The following CLDN10 variants were observed in gnomAD, a reference collection of about 807,000 sequenced individuals.
CLDN10 encodes claudin-10.
CLDN10 carries 15 observed loss-of-function variants against 22.9 expected under a neutral mutation model. The ratio of observed to expected loss-of-function variants is 0.65; its 90% CI spans 0.44 to 1.01. The LOEUF is 1.01. CLDN10 is among the 50% of genes least tolerant of loss of function. CLDN10 has a pLI of 0.00. For synonymous variants in CLDN10, 114 were observed against 111.4 expected (o/e 1.02, Z -0.15); for missense variants, 247 against 287.8 (o/e 0.86, Z 1.03).
chr13:95,475,555 G>A (rs2042677526), intron 1 of CLDN10, among the ~76,000 whole-genome samples: 1 of 152,202 alleles, frequency 6.6e-6, no homozygotes, highest in Non-Finnish European at 1.5e-5. Context: ...CCCCAAGGGA[G>A]GGAAGTGGCC....
At chr13:95,495,631 C>T (rs1394753671) in intron 1 of CLDN10, among the ~76,000 whole-genome samples, 4 of 150,812 alleles carry the variant, frequency 2.7e-5, no homozygotes, top group Admixed American at 1.3e-4. Flanking sequence ...GTAATCCCAG[C>T]TACTTGGGAG....
At chr13:95,459,371 C>G (rs2042513174) in intron 1 of CLDN10, among the ~76,000 whole-genome samples, 1 of 152,216 alleles carries the variant, frequency 6.6e-6, no homozygotes, top group Non-Finnish European at 1.5e-5. Flanking sequence ...CAGAGGTTCT[C>G]CATGAGGGCT....
Position 95,574,284 on chromosome 13 carries a change from GTC to G in CLDN10, c.465-2943_465-2942del, listed in dbSNP as rs558847226. On this transcript the variant is annotated intron_variant, in intron 3 of 4. Transcript: ENST00000299339. ...TGTCTTTCAATAGAAAGAAGGAAAAGTCTCTGAAAGAACAAACAAGAGCCCTC... is the reference window on the plus strand; with the variant it reads ...TGTCTTTCAATAGAAAGAAGGAAAAGTCTGAAAGAACAAACAAGAGCCCTC... 3.3e-5 allele frequency among the ~76,000 whole-genome samples: 5 copies of G among 152,076 alleles called. No homozygotes were observed. In the South Asian group the frequency reaches 1.0e-3, roughly 31 times the overall value.
intron 3 of CLDN10, among the ~76,000 whole-genome samples, chr13:95,570,306 AC>A (rs1377643260): frequency 2.6e-5 from 4 of 151,936 alleles, no homozygotes; most frequent in Non-Finnish European, 5.9e-5. Context: ...GGCCAAGCAA[AC>A]CCCCCAATTA....
chr13:95,533,646 A>G (rs1361696270), intron 1 of CLDN10: 4 of 152,316 alleles, frequency 2.6e-5, no homozygotes, highest in African/African-American at 7.2e-5. Context: ...AGCTTTTACT[A>G]TCTGCCTACC....
chr13:95,575,512 G>A (rs1329164653), intron 3 of CLDN10, among the ~76,000 whole-genome samples: 1 of 151,970 alleles, frequency 6.6e-6, no homozygotes, highest in Non-Finnish European at 1.5e-5. Context: ...TTTAATGAAA[G>A]TATCTTTTCT....
intron 1 of CLDN10, among the ~76,000 whole-genome samples, chr13:95,478,924 G>A (rs1262529221): frequency 1.3e-5 from 2 of 152,238 alleles, no homozygotes; most frequent in Non-Finnish European, 2.9e-5. Context: ...CTGGCACAGG[G>A]CTGCAACTGC....
intron 1 of CLDN10, among the ~76,000 whole-genome samples, chr13:95,537,007 G>T (rs1325577290): frequency 2.0e-5 from 3 of 152,332 alleles, no homozygotes; most frequent in Admixed American, 6.5e-5. Context: ...CTAATTAAGA[G>T]CCTTTTGCTT....
chr13:95,479,072 C>T (rs1024805435), intron 1 of CLDN10, among the ~76,000 whole-genome samples: 2 of 152,196 alleles, frequency 1.3e-5, no homozygotes, highest in Non-Finnish European at 2.9e-5. Context: ...GGCCACCGGC[C>T]GGGTGCAGTG....
intron 1 of CLDN10, among the ~76,000 whole-genome samples, chr13:95,542,606 A>C (rs1483179710): frequency 1.3e-5 from 2 of 152,218 alleles, no homozygotes; most frequent in African/African-American, 4.8e-5. Flanking sequence ...CAGGAGTTCA[A>C]GACCAGCCTG....
intron 1 of CLDN10, among the ~76,000 whole-genome samples, chr13:95,493,772 C>G (rs1247455736): frequency 6.6e-6 from 1 of 152,050 alleles, no homozygotes. Context: ...GTTGGCCAGG[C>G]TGGTCTCAAA....
At chr13:95,521,818 A>C (rs1436771796) in intron 1 of CLDN10, among the ~76,000 whole-genome samples, 1 of 152,090 alleles carries the variant, frequency 6.6e-6, no homozygotes, top group African/African-American at 2.4e-5. Context: ...GAAAAGATTT[A>C]AATTGCCTCT....
chr13:95,578,406 T>TA lies in CLDN10; in HGVS notation c.*393dup, dbSNP rs1450794566. ...AACAGGTGTATAAGGAACAATGTCT[T>TA]ATAAACAGCATGGGGGCAATCTGAG... On this transcript the variant is annotated 3_prime_UTR_variant, in exon 5 of 5. Transcript: ENST00000299339. 1 of 153,582 alleles carries TA rather than the reference T, an allele frequency of 6.5e-6. No homozygotes were observed. The highest frequency in any genetic ancestry group is 1.9e-4 in the East Asian group (1 of 5,258). The allele number at this position is 153,582 out of a possible 1,614,324, so 9.5% of individuals were successfully genotyped here. A position where few individuals can be genotyped will look rare whatever the true frequency, so the allele number is the denominator to read the frequency against.
chr13:95,515,178 C>T (rs954168622), intron 1 of CLDN10, among the ~76,000 whole-genome samples: 4 of 76,230 alleles, frequency 5.2e-5, no homozygotes, highest in Middle Eastern at 6.3e-3. Context: ...TGGCTAATTA[C>T]GTTTGTTGTT....
intron 1 of CLDN10, among the ~76,000 whole-genome samples, chr13:95,466,976 A>G (rs1285239522): frequency 2.7e-5 from 4 of 145,986 alleles, no homozygotes; most frequent in African/African-American, 5.1e-5. Context: ...TCCTTGGTTC[A>G]TGCCATTCTC....
At chr13:95,526,500 TCA>T (rs2043282349) in intron 1 of CLDN10, among the ~76,000 whole-genome samples, 1 of 152,244 alleles carries the variant, frequency 6.6e-6, no homozygotes, top group African/African-American at 2.4e-5. Flanking sequence ...GAGATGGATC[TCA>T]CAGTCAGTCT....
intron 1 of CLDN10, among the ~76,000 whole-genome samples, chr13:95,443,272 G>A (rs899890201): frequency 9.2e-5 from 14 of 152,184 alleles, no homozygotes; most frequent in Non-Finnish European, 8.8e-5. Flanking sequence ...TTAGCTGTAG[G>A]ATAACGATGA....
At chr13:95,576,514 CTG>C (rs534283931) in intron 3 of CLDN10, among the ~76,000 whole-genome samples, 6 of 152,208 alleles carry the variant, frequency 3.9e-5, no homozygotes, top group Non-Finnish European at 7.3e-5. Context: ...TCCTTGTTCT[CTG>C]GGTGAATATA....
chr13:95,457,866 C>T (rs1023676334), intron 1 of CLDN10, among the ~76,000 whole-genome samples: 2 of 152,116 alleles, frequency 1.3e-5, no homozygotes, highest in African/African-American at 2.4e-5. Context: ...ATAAGTCAAC[C>T]TGTGAGTTAG....
Sources: gnomAD v4.1 joint callset for allele counts (sites outside exome capture counted in the v4.1 genomes callset) on GRCh38, gnomAD v4.1.1 for gene constraint, MANE v1.5 for transcripts, NCBI Gene and HGNC (gene_info 2026-07-23, HGNC 2026-07-21) for gene names.